Variants in RORB observed in about 807,000 individuals in gnomAD.
The protein encoded by RORB is RAR related orphan receptor B.
Under a neutral mutation model 59.1 loss-of-function variants are expected in RORB, and 6 were observed. The observed-to-expected ratio is 0.10, with a 90% CI of 0.06 to 0.20. RORB has a LOEUF of 0.20. Among genes scored for constraint, RORB ranks in the 10% least tolerant of loss-of-function variants. The pLI, the probability that RORB is intolerant of heterozygous loss-of-function variation, is 1.00. For synonymous variants in RORB, 215 were observed against 204.5 expected, an observed-to-expected ratio of 1.05 and a Z score of -0.44; for missense variants, 320 against 560.5, an observed-to-expected ratio of 0.57 and a Z score of 4.33.
intron 1 of RORB, among the ~76,000 whole-genome samples, chr9:74,554,208 T>C (rs903580315): frequency 6.6e-6 from 1 of 152,118 alleles, no homozygotes; most frequent in Non-Finnish European, 1.5e-5. Flanking sequence ...AGTGATTTGC[T>C]TGGGGTGATC....
intron 9 of RORB, among the ~76,000 whole-genome samples, chr9:74,674,527 T>C (rs964106285): frequency 1.3e-5 from 2 of 152,222 alleles, no homozygotes; most frequent in African/African-American, 4.8e-5. Context: ...GGTACAGGGC[T>C]CATACACAGT....
intron 1 of RORB, among the ~76,000 whole-genome samples, chr9:74,535,144 T>C (rs1422273093): frequency 9.5e-6 from 1 of 105,472 alleles, no homozygotes; most frequent in African/African-American, 3.3e-5. Context: ...CAGAGCACCA[T>C]AGGGGTGTGT....
At chr9:74,546,674 C>T (rs1004422294) in intron 1 of RORB, among the ~76,000 whole-genome samples, 1 of 152,044 alleles carries the variant, frequency 6.6e-6, no homozygotes, top group Non-Finnish European at 1.5e-5. Context: ...GTCTAGACAC[C>T]GTTGTGCATT....
In RORB at chr9:74,642,731, G is replaced by A. The variant is rs746564329; in HGVS notation, c.553G>A (p.Asp185Asn). Reference sequence around the variant, plus strand: ...ACAGATAAAGCAAGAACCTATCTATGACCTCACATCCGTACCCAACTTGTT... The same window carrying A: ...ACAGATAAAGCAAGAACCTATCTATAACCTCACATCCGTACCCAACTTGTT... ...IKQIKQEPIY[D>N]LTSVPNLFTY... Residue 185 changes from aspartate to asparagine, a missense_variant, in exon 4 of 10, where the codon GAC becomes AAC. By Grantham distance (23) the Asp-to-Asn change is conservative. Transcript: ENST00000376896. The A allele has an allele frequency of 6.2e-7, 1 of 1,614,092 alleles. No homozygotes were observed.
At position 74,689,107 on chromosome 9, in the gene RORB, TTTTTG is replaced by T. The variant is rs1386995669; in HGVS notation, c.*3495_*3499del. 1 of 152,300 alleles carries T rather than the reference TTTTTG, an allele frequency of 6.6e-6. No individual in the cohort carries two copies. The highest frequency in any genetic ancestry group is 1.5e-5 in the Non-Finnish European group (1 of 68,162). The allele number at this position is 152,300 out of a possible 1,614,324, so 9.4% of individuals were successfully genotyped here. ...CTTTGCCCCTTTTTCTGTGGCTCCTTTTTTGTTTTGAGACAGATCTTGTTCAACAT... is the reference window on the plus strand; with the variant it reads ...CTTTGCCCCTTTTTCTGTGGCTCCTTTTTTGAGACAGATCTTGTTCAACAT... On this transcript the variant is annotated 3_prime_UTR_variant, in exon 10 of 10. Coordinates refer to ENST00000376896, the MANE Select transcript of RORB (RefSeq NM_006914.4).
At chr9:74,619,985 T>A (rs1430619458) in intron 1 of RORB, among the ~76,000 whole-genome samples, 4 of 152,204 alleles carry the variant, frequency 2.6e-5, no homozygotes, top group Non-Finnish European at 4.4e-5. Flanking sequence ...TCGTCAGGGA[T>A]ATTGGTCTAA....
intron 1 of RORB, among the ~76,000 whole-genome samples, chr9:74,501,093 G>C (rs1440634612): frequency 1.3e-5 from 2 of 152,090 alleles, no homozygotes; most frequent in African/African-American, 4.8e-5. Context: ...TATTACACAG[G>C]GGCGCGGAAA....
intron 1 of RORB, among the ~76,000 whole-genome samples, chr9:74,532,820 ATATAT>A (rs1826265712): frequency 7.1e-6 from 1 of 141,036 alleles, no homozygotes; most frequent in African/African-American, 2.6e-5. Context: ...ATATACACAT[ATATAT>A]GTGTATATAT....
intron 1 of RORB, among the ~76,000 whole-genome samples, chr9:74,510,466 A>G (rs1164430289): frequency 1.3e-5 from 2 of 152,152 alleles, no homozygotes; most frequent in African/African-American, 4.8e-5. Flanking sequence ...TTAAGAGAGG[A>G]ACTATGTAAA....
intron 1 of RORB, among the ~76,000 whole-genome samples, chr9:74,547,196 T>A (rs183911231): frequency 8.0e-4 from 122 of 152,156 alleles, no homozygotes; most frequent in African/African-American, 2.5e-3. Context: ...TAAGAAAATA[T>A]GTATGAGAGA....
At chr9:74,522,193 C>T (rs138416044) in intron 1 of RORB, among the ~76,000 whole-genome samples, 33 of 151,744 alleles carry the variant, frequency 2.2e-4, no homozygotes, top group African/African-American at 7.2e-4. Context: ...TTTAGCATGC[C>T]TTCAATTTGT....
Position 74,669,470 on chromosome 9 carries a change from ACT to A in RORB, c.1111+1572_1111+1573del, listed in dbSNP as rs560682050. Among the ~76,000 whole-genome samples the A allele has an allele frequency of 3.7e-3, 517 of 139,474 alleles. 3 individuals are homozygous for A. The highest frequency in any genetic ancestry group is 0.014 in the African/African-American group (498 of 35,350). 91.5% of individuals were successfully genotyped at this position (139,474 alleles called of 152,430 possible). A position where few individuals can be genotyped will look rare whatever the true frequency, so the allele number is the denominator to read the frequency against. ...CTCCAGCCTGGGCAACAAGACCGAAACTCTGTCTCAAAAAAAAAAAAAAAAAG... is the reference window on the plus strand; with the variant it reads ...CTCCAGCCTGGGCAACAAGACCGAAACTGTCTCAAAAAAAAAAAAAAAAAG... On this transcript the variant is annotated intron_variant, in intron 8 of 9. Coordinates refer to ENST00000376896, the MANE Select transcript of RORB (RefSeq NM_006914.4).
intron 1 of RORB, among the ~76,000 whole-genome samples, chr9:74,504,456 A>T (rs996676817): frequency 6.6e-6 from 1 of 152,058 alleles, no homozygotes; most frequent in Non-Finnish European, 1.5e-5. Context: ...TCGCCAAAAT[A>T]TAAGGCTAAA....
chr9:74,648,099 A>G (rs1381982579), intron 4 of RORB, among the ~76,000 whole-genome samples: 1 of 152,240 alleles, frequency 6.6e-6, no homozygotes, highest in Non-Finnish European at 1.5e-5. Flanking sequence ...CCGATACATC[A>G]TTAAAACAGA....
intron 1 of RORB, among the ~76,000 whole-genome samples, chr9:74,569,445 G>A (rs917350118): frequency 1.3e-5 from 2 of 151,990 alleles, no homozygotes; most frequent in Admixed American, 6.6e-5. Flanking sequence ...TCATTATGAT[G>A]ACAGTTTTAA....
intron 3 of RORB, among the ~76,000 whole-genome samples, chr9:74,635,768 T>C (rs1019193629): frequency 3.3e-5 from 5 of 152,092 alleles, no homozygotes; most frequent in African/African-American, 1.2e-4. Context: ...GCACTCCCTC[T>C]AGTGAAATTC....
At chr9:74,510,259 T>G (rs1329750950) in intron 1 of RORB, among the ~76,000 whole-genome samples, 1 of 152,180 alleles carries the variant, frequency 6.6e-6, no homozygotes, top group Non-Finnish European at 1.5e-5. Flanking sequence ...TCCTCTTATA[T>G]TTAGTATCTA....
At chr9:74,660,595 G>A in intron 4 of RORB, 22 bp from the exon 5 acceptor site, 1 of 1,597,436 alleles carries the variant, frequency 6.3e-7, no homozygotes, top group South Asian at 1.1e-5. Flanking sequence ...ACAAACCTTT[G>A]AATTGATATC....
At chr9:74,501,402 C>G (rs566410027) in intron 1 of RORB, among the ~76,000 whole-genome samples, 4 of 152,150 alleles carry the variant, frequency 2.6e-5, no homozygotes, top group African/African-American at 9.6e-5. Flanking sequence ...CTTTAGATTA[C>G]CTAAACAAGT....
Sources: allele counts gnomAD v4.1 joint callset (sites outside exome capture counted in the v4.1 genomes callset), GRCh38; gene constraint gnomAD v4.1.1; transcripts MANE v1.5; gene names NCBI Gene and HGNC (gene_info 2026-07-23, HGNC 2026-07-21).